The following ARSG variants were observed in gnomAD, a reference collection of about 807,000 sequenced individuals.
The protein encoded by ARSG is ASG.
Under a neutral mutation model 50.5 loss-of-function variants are expected in ARSG, and 37 were observed. The ratio of observed to expected loss-of-function variants is 0.73; its 90% CI spans 0.56 to 0.96. The LOEUF is 0.96. Ranked by LOEUF, ARSG falls within the 50% of genes least tolerant of loss-of-function variation. ARSG has a pLI of 0.00. For synonymous variants in ARSG, 225 were observed against 254.6 expected (o/e 0.88, Z 1.11); for missense variants, 629 against 675.3 (o/e 0.93, Z 0.76).
chr17:68,450,893 T>C, the ARSG span: 1 of 1,611,542 alleles, frequency 6.2e-7, no homozygotes, highest in Admixed American at 1.7e-5. Flanking sequence ...CGTCCGGGAT[T>C]TCATCTGGGA....
intron 2 of ARSG, among the ~76,000 whole-genome samples, chr17:68,309,114 C>T (rs1555765662): frequency 6.6e-6 from 1 of 152,226 alleles, no homozygotes; most frequent in Non-Finnish European, 1.5e-5. Flanking sequence ...GCTGGCCCTG[C>T]TGAGGGACCT....
chr17:68,362,517 C>T (rs984007414), intron 6 of ARSG, among the ~76,000 whole-genome samples: 5 of 152,128 alleles, frequency 3.3e-5, no homozygotes, highest in Non-Finnish European at 7.4e-5. Flanking sequence ...CCCCAAACCC[C>T]ATTTGGTTCC....
In ARSG at chr17:68,351,690, A is replaced by G; in HGVS notation, c.566+4A>G. 2.5e-6 allele frequency: 4 copies of G among 1,591,622 alleles called. No individual in the cohort carries two copies. The highest frequency in any genetic ancestry group is 3.4e-6 in the Non-Finnish European group (4 of 1,159,606). On this transcript the variant is annotated splice_donor_region_variant and intron_variant, in intron 5 of 11. Coordinates refer to ENST00000621439, the MANE Select transcript of ARSG (RefSeq NM_001267727.2). ...CACAGGGTGATGGACCATCAAGGTA[A>G]TGCTGTCTGACACATTTGCGATAGG...
chr17:68,421,847 T>G, downstream of ARSG: 2 of 1,614,116 alleles, frequency 1.2e-6, no homozygotes, highest in East Asian at 4.5e-5. Context: ...AGAATGGCCT[T>G]ACTCTTCTCA....
At chr17:68,412,586 A>G (rs1197511895) in intron 11 of ARSG, among the ~76,000 whole-genome samples, 1 of 152,040 alleles carries the variant, frequency 6.6e-6, no homozygotes, top group Non-Finnish European at 1.5e-5. Context: ...GGTGAATCTG[A>G]CAATTATGTG....
At chr17:68,308,871 G>C (rs1477519163) in intron 2 of ARSG, among the ~76,000 whole-genome samples, 1 of 152,254 alleles carries the variant, frequency 6.6e-6, no homozygotes, top group African/African-American at 2.4e-5. Flanking sequence ...CCGCACCGGC[G>C]CTGCAGGTGG....
At chr17:68,443,874 G>A in the ARSG span, among the ~76,000 whole-genome samples, 210 of 152,260 alleles carry the variant, frequency 1.4e-3, no homozygotes, top group Middle Eastern at 3.4e-3. Context: ...ATTCTTTCTT[G>A]TTTACTCCTA....
intron 11 of ARSG, among the ~76,000 whole-genome samples, chr17:68,405,106 G>C (rs1215871717): frequency 6.8e-6 from 1 of 147,686 alleles, no homozygotes; most frequent in African/African-American, 2.5e-5. Flanking sequence ...TTGAAATCAG[G>C]AGTGTGAGTC....
chr17:68,436,172 G>A, the ARSG span, among the ~76,000 whole-genome samples: 1 of 152,222 alleles, frequency 6.6e-6, no homozygotes. Context: ...TGCTGCAGAT[G>A]TCTAACTTGG....
At chr17:68,357,074 AT>A (rs1161381489) in intron 6 of ARSG, among the ~76,000 whole-genome samples, 1 of 152,092 alleles carries the variant, frequency 6.6e-6, no homozygotes, top group Non-Finnish European at 1.5e-5. Context: ...TGCCATGATC[AT>A]TTTGTCCTCT....
At chr17:68,415,206 G>T (rs1351284237) in intron 11 of ARSG, among the ~76,000 whole-genome samples, 1 of 152,036 alleles carries the variant, frequency 6.6e-6, no homozygotes, top group East Asian at 1.9e-4. Flanking sequence ...TATCCCAGAG[G>T]TTTTGATAGG....
chr17:68,378,459 C>CCGTG lies in ARSG; in HGVS notation c.983-6600_983-6597dup, dbSNP rs2080263856. Among the ~76,000 whole-genome samples, 3 of 152,216 alleles carry CCGTG rather than the reference C, an allele frequency of 2.0e-5. No homozygotes were observed. The highest frequency in any genetic ancestry group is 4.8e-5 in the African/African-American group (2 of 41,458). On this transcript the variant is annotated intron_variant, in intron 8 of 11. Coordinates refer to ENST00000621439, the MANE Select transcript of ARSG (RefSeq NM_001267727.2). The surrounding 1 kb of genome is among the most constrained non-coding windows in gnomAD (Gnocchi z 4.4). ...CGTCTCCTGGAGTCATCTTTTCACC[C>CCGTG]CGTGCGTGTGGACTGAGAATGCTCC...
At chr17:68,385,557 CGAGGGGAGGGGAGGGGAGAG>C (rs1399296866) in intron 9 of ARSG, among the ~76,000 whole-genome samples, 2 of 24,174 alleles carry the variant, frequency 8.3e-5, no homozygotes, top group Non-Finnish European at 1.6e-4. Flanking sequence ...AGAGGGGAGG[CGAGGGGAGGGGAGGGGAGAG>C]GAGGGGAGGG....
chr17:68,394,453 A>G (rs2081142687), intron 9 of ARSG, among the ~76,000 whole-genome samples: 1 of 152,114 alleles, frequency 6.6e-6, no homozygotes, highest in South Asian at 2.1e-4. Context: ...AAATAAATAA[A>G]TAAATAAATA....
chr17:68,304,714 CA>C (rs2076543168), intron 1 of ARSG, among the ~76,000 whole-genome samples: 1 of 152,186 alleles, frequency 6.6e-6, no homozygotes, highest in Non-Finnish European at 1.5e-5. Context: ...TTAAAAAATA[CA>C]GATAAGGTCT....
intron 2 of ARSG, among the ~76,000 whole-genome samples, chr17:68,343,144 CT>C: frequency 6.6e-6 from 1 of 151,970 alleles, no homozygotes. Flanking sequence ...ATCCTATTTC[CT>C]TTTTTTGTTT....
At chr17:68,289,137 G>T (rs1479439632), upstream of ARSG, among the ~76,000 whole-genome samples, 1 of 152,118 alleles carries the variant, frequency 6.6e-6, no homozygotes, top group East Asian at 1.9e-4. Context: ...CTTGAGCCCA[G>T]GAGTTTGAGA....
intron 8 of ARSG, among the ~76,000 whole-genome samples, chr17:68,379,332 C>A (rs185396648): frequency 6.6e-6 from 1 of 151,268 alleles, no homozygotes; most frequent in Non-Finnish European, 1.5e-5. Flanking sequence ...CCTTGACCTC[C>A]GGGGCTCAAG....
rs2080251550 is a variant in ARSG at position 68,378,267 on chromosome 17, A to T, written c.983-6797A>T. Among the ~76,000 whole-genome samples the T allele has an allele frequency of 6.6e-6, 1 of 152,204 alleles. No individual in the cohort carries two copies. The highest frequency in any genetic ancestry group is 6.5e-5 in the Admixed American group (1 of 15,284). Reference sequence around the variant, plus strand: ...AAGGCGGTCAATGTTTTCGCAACGGAGTAGGACAAACAGTACCCGGAGTCG... The same window carrying T: ...AAGGCGGTCAATGTTTTCGCAACGGTGTAGGACAAACAGTACCCGGAGTCG... On this transcript the variant is annotated intron_variant, in intron 8 of 11. Transcript: ENST00000621439. This position sits in a 1 kb window ranked among gnomAD's most constrained non-coding sequence, Gnocchi z 4.4.
Sources: gnomAD v4.1 joint callset for allele counts (sites outside exome capture counted in the v4.1 genomes callset) on GRCh38, gnomAD v4.1.1 for gene constraint, Gnocchi (gnomAD v3.1) non-coding constraint, MANE v1.5 for transcripts, NCBI Gene and HGNC (gene_info 2026-07-23, HGNC 2026-07-21) for gene names.